The following SLC12A4 variants were observed in gnomAD, a reference collection of about 807,000 sequenced individuals.
The protein encoded by SLC12A4 is electroneutral potassium-chloride cotransporter 1.
SLC12A4 carries 84 observed loss-of-function variants against 119.2 expected under a neutral mutation model. The observed-to-expected ratio is 0.70, with a 90% CI of 0.59 to 0.85. The LOEUF (loss-of-function observed/expected upper bound fraction) is 0.85, where lower values mean the gene tolerates loss of function less well. Among genes scored for constraint, SLC12A4 ranks in the 40% least tolerant of loss-of-function variants. The pLI, the probability that SLC12A4 is intolerant of heterozygous loss-of-function variation, is 0.00. For synonymous variants in SLC12A4, 599 were observed against 604.6 expected, an observed-to-expected ratio of 0.99 and a Z score of 0.14; for missense variants, 1,298 against 1,476.3, an observed-to-expected ratio of 0.88 and a Z score of 1.98.
At chr16:67,967,579 T>TG (rs1453804198) in intron 1 of SLC12A4, among the ~76,000 whole-genome samples, 3 of 152,116 alleles carry the variant, frequency 2.0e-5, no homozygotes, top group African/African-American at 4.8e-5. Flanking sequence ...AACAGCCCTC[T>TG]GGGGGGCCTC....
At chr16:67,961,269 C>CAGAA (rs1482667428) in intron 3 of SLC12A4, among the ~76,000 whole-genome samples, 3 of 152,156 alleles carry the variant, frequency 2.0e-5, no homozygotes, top group Admixed American at 6.5e-5. Flanking sequence ...TTTTGTTGTA[C>CAGAA]AGATGACATA....
Position 67,943,557 on chromosome 16 carries a change from CGGGCA to C in SLC12A4, c.*1278_*1282del, listed in dbSNP as rs2058306610. 2.0e-6 allele frequency: 1 copy of C among 502,778 alleles called. No homozygotes were observed. Among genetic ancestry groups the C allele is most frequent in the East Asian group, 3.7e-5 (1 of 27,212 alleles). 31.1% of individuals were successfully genotyped at this position (502,778 alleles called of 1,614,324 possible). A position where few individuals can be genotyped will look rare whatever the true frequency, so the allele number is the denominator to read the frequency against. On this transcript the variant is annotated 3_prime_UTR_variant, in exon 24 of 24. Coordinates refer to ENST00000316341, the MANE Select transcript of SLC12A4 (RefSeq NM_005072.5). The surrounding 1 kb of genome is among the most constrained non-coding windows in gnomAD (Gnocchi z 4.6). The stretch of plus-strand genomic sequence containing the variant: ...CATGGGGGCTGGGCCTAATAGGGGC[CGGGCA>C]TGGATGGGCCTCTCCTGCTCACCGA...
Position 67,945,397 on chromosome 16 carries a change from T to C in SLC12A4, c.3004A>G (p.Asn1002Asp). Residue 1002 changes from asparagine to aspartate, a missense_variant, in exon 22 of 24, where the codon AAT becomes GAT. By Grantham distance (23) the Asn-to-Asp change is conservative (BLOSUM62 1). Coordinates refer to ENST00000316341, the MANE Select transcript of SLC12A4 (RefSeq NM_005072.5). ...TTAATGTGCACCAGCTCCCGGAAAT[T>C]GTCAGGGGCATGGCTGGGGTCCCAG... ...ETWDPSHAPD[N>D]FRELVHIKPD... 6.8e-6 allele frequency: 11 copies of C among 1,613,916 alleles called. No individual in the cohort carries two copies. The highest frequency in any genetic ancestry group is 9.3e-6 in the Non-Finnish European group (11 of 1,179,930).
At position 67,949,703 on chromosome 16, in the gene SLC12A4, T is replaced by C; in HGVS notation, c.1748+97A>G. On this transcript the variant is annotated intron_variant, in intron 13 of 23. Coordinates refer to ENST00000316341, the MANE Select transcript of SLC12A4 (RefSeq NM_005072.5). The surrounding 1 kb of genome is among the most constrained non-coding windows in gnomAD (Gnocchi z 4.6). Reference sequence around the variant, plus strand: ...ATCTCCCCATGCAGCCTGCCACATCTCCCAGCTGGACCTCCAACACCAGAC... The same window carrying C: ...ATCTCCCCATGCAGCCTGCCACATCCCCCAGCTGGACCTCCAACACCAGAC... 1.3e-6 allele frequency: 1 copy of C among 799,610 alleles called. No homozygotes were observed. Among genetic ancestry groups the C allele is most frequent in the Non-Finnish European group, 2.0e-6 (1 of 499,794 alleles). 49.5% of individuals were successfully genotyped at this position (799,610 alleles called of 1,614,324 possible).
chr16:67,956,037 C>T (rs1244806166), intron 5 of SLC12A4, among the ~76,000 whole-genome samples: 3 of 151,922 alleles, frequency 2.0e-5, no homozygotes, highest in Non-Finnish European at 4.4e-5. Context: ...ATTAGCTGAG[C>T]ATGGTGGTGC....
chr16:67,944,172 G>C lies in SLC12A4; in HGVS notation c.*668C>G. 1 of 1,510,918 alleles carries C rather than the reference G, an allele frequency of 6.6e-7. No homozygotes were observed. Among genetic ancestry groups the C allele is most frequent in the Non-Finnish European group, 8.9e-7 (1 of 1,121,114 alleles). 93.6% of individuals were successfully genotyped at this position (1,510,918 alleles called of 1,614,324 possible). A position where few individuals can be genotyped will look rare whatever the true frequency, so the allele number is the denominator to read the frequency against. ...CTTATCTGGTGTGGGAGTGGGAGGG[G>C]CCCTAGGGCCAGTGGGAGGGACGGC... On this transcript the variant is annotated 3_prime_UTR_variant, in exon 24 of 24. Transcript: ENST00000316341. This position sits in a 1 kb window ranked among gnomAD's most constrained non-coding sequence, Gnocchi z 6.6.
chr16:67,966,708 C>T lies in SLC12A4; in HGVS notation c.115+1731G>A, dbSNP rs58001718. 1,654 of 1,549,936 alleles carry T rather than the reference C, an allele frequency of 1.1e-3. 20 individuals carry two copies. In the African/African-American group the frequency reaches 0.021, roughly 20 times the overall value. ...GATCTGAGGCTCACTGTGCTTTGTGCCCTCTGACCCTTTGCAGTCCCCACC... is the reference window on the plus strand; with the variant it reads ...GATCTGAGGCTCACTGTGCTTTGTGTCCTCTGACCCTTTGCAGTCCCCACC... On this transcript the variant is annotated intron_variant, in intron 1 of 23. Coordinates refer to ENST00000316341, the MANE Select transcript of SLC12A4 (RefSeq NM_005072.5).
Position 67,944,780 on chromosome 16 carries a change from A to G in SLC12A4, c.*60T>C. 6.3e-7 allele frequency: 1 copy of G among 1,588,894 alleles called. No homozygotes were observed. Among genetic ancestry groups the G allele is most frequent in the South Asian group, 1.1e-5 (1 of 89,154 alleles). On this transcript the variant is annotated 3_prime_UTR_variant, in exon 24 of 24. Coordinates refer to ENST00000316341, the MANE Select transcript of SLC12A4 (RefSeq NM_005072.5). This position sits in a 1 kb window ranked among gnomAD's most constrained non-coding sequence, Gnocchi z 6.6. The stretch of plus-strand genomic sequence containing the variant: ...TGCTGGGAAGAGGCTGTTACCCCAG[A>G]CCACAGCTTGTTATGTCCTGGCCAA...
chr16:67,958,874 G>A (rs2030416949), intron 3 of SLC12A4, among the ~76,000 whole-genome samples: 1 of 152,148 alleles, frequency 6.6e-6, no homozygotes, highest in South Asian at 2.1e-4. Context: ...TGCCTCAGGT[G>A]GAGTTGGTTC....
rs187992976 is a variant in SLC12A4 at position 67,948,117 on chromosome 16, C to T, written c.1791G>A (p.Ala597=). 20 of 1,613,260 alleles carry T rather than the reference C, an allele frequency of 1.2e-5. No homozygotes were observed. In the East Asian group the frequency reaches 1.8e-4, roughly 14 times the overall value. The change falls in exon 14 of 24, where the codon GCG becomes GCA. Residue 597 remains alanine (A), a synonymous_variant. Transcript: ENST00000316341. ...MCYLFVNLAC[A]VQTLLRTPNW... is the part of the protein sequence containing the mutation. Reference sequence around the variant, plus strand: ...TGGGGGTCCTCAGGAGTGTCTGCACCGCACAGGCGAGGTTCACGAACAGGT... The same window carrying T: ...TGGGGGTCCTCAGGAGTGTCTGCACTGCACAGGCGAGGTTCACGAACAGGT...
chr16:67,947,151 C>A, intron 16 of SLC12A4, 46 bp from the exon 17 acceptor site: 1 of 1,542,940 alleles, frequency 6.5e-7, no homozygotes, highest in Non-Finnish European at 8.7e-7. Flanking sequence ...GCCGGCCGTT[C>A]TAGGGAGCCC....
Position 67,945,377 on chromosome 16 carries a change from G to A in SLC12A4, c.3024C>T (p.His1008=), listed in dbSNP as rs1421202479. 6.2e-7 allele frequency: 1 copy of A among 1,613,368 alleles called. No individual in the cohort carries two copies. Among genetic ancestry groups the A allele is most frequent in the African/African-American group, 1.3e-5 (1 of 74,886 alleles). The part of the protein sequence containing the change: ...HAPDNFRELV[H]IKPDQSNVRR... ...GTTTTTGCTGCACTCACGGCTTAAT[G>A]TGCACCAGCTCCCGGAAATTGTCAG... Residue 1008 remains histidine (H), a synonymous_variant, in exon 22 of 24, where the codon CAC becomes CAT. Transcript: ENST00000316341.
chr16:67,957,644 T>C, intron 5 of SLC12A4, 98 bp downstream of exon 5: 1 of 1,408,394 alleles, frequency 7.1e-7, no homozygotes, highest in South Asian at 1.2e-5. Context: ...ACTACAGAAC[T>C]GCTTGGGGCA....
chr16:67,952,496 C>T (rs952412688), intron 6 of SLC12A4, 71 bp from the exon 7 acceptor site: 6 of 1,577,866 alleles, frequency 3.8e-6, no homozygotes, highest in African/African-American at 1.4e-5. Flanking sequence ...TTTTGGTTTT[C>T]TTTTTACGAG....
At chr16:67,963,305 G>C (rs902755945) in intron 2 of SLC12A4, 160 bp downstream of exon 2, 21 of 437,156 alleles carry the variant, frequency 4.8e-5, no homozygotes, top group Non-Finnish European at 6.9e-5. Flanking sequence ...AGTTTCAGTT[G>C]AAAGGGCCAA....
intron 1 of SLC12A4, chr16:67,966,825 G>C: frequency 1.3e-6 from 2 of 1,549,994 alleles, no homozygotes; most frequent in Non-Finnish European, 8.7e-7. Context: ...AGGAGAAAGA[G>C]GAAGGGAGGC....
rs1307586519 is a variant in SLC12A4 at position 67,949,651 on chromosome 16, G to C, written c.1748+149C>G. On this transcript the variant is annotated intron_variant, in intron 13 of 23. Coordinates refer to ENST00000316341, the MANE Select transcript of SLC12A4 (RefSeq NM_005072.5). This position sits in a 1 kb window ranked among gnomAD's most constrained non-coding sequence, Gnocchi z 4.6. Reference sequence around the variant, plus strand: ...GGTGCCAGGCTTGCTCCTAAATGCAGGGGTGGGCTGAGCCCTGTCAGGCCA... The same window carrying C: ...GGTGCCAGGCTTGCTCCTAAATGCACGGGTGGGCTGAGCCCTGTCAGGCCA... The C allele has an allele frequency of 1.0e-5, 6 of 591,442 alleles. No homozygotes were observed. Among genetic ancestry groups the C allele is most frequent in the Non-Finnish European group, 1.8e-5 (6 of 337,660 alleles). The allele number at this position is 591,442 out of a possible 1,614,324, so 36.6% of individuals were successfully genotyped here. A position where few individuals can be genotyped will look rare whatever the true frequency, so the allele number is the denominator to read the frequency against.
intron 5 of SLC12A4, among the ~76,000 whole-genome samples, chr16:67,956,785 A>G (rs572763540): frequency 2.0e-4 from 30 of 152,062 alleles, no homozygotes; most frequent in East Asian, 7.7e-4. Context: ...ATGCATATGT[A>G]TATATACACA....
intron 1 of SLC12A4, among the ~76,000 whole-genome samples, chr16:67,966,249 C>T (rs1427127458): frequency 2.0e-5 from 3 of 152,212 alleles, no homozygotes; most frequent in African/African-American, 4.8e-5. Context: ...TCGGAGTTCC[C>T]CCAAAGCTCC....
Sources: allele counts gnomAD v4.1 joint callset (sites outside exome capture counted in the v4.1 genomes callset), GRCh38; gene constraint gnomAD v4.1.1; non-coding constraint Gnocchi (gnomAD v3.1); transcripts MANE v1.5; gene names NCBI Gene and HGNC (gene_info 2026-07-23, HGNC 2026-07-21).